The following RORA variants were observed in gnomAD, a reference collection of about 807,000 sequenced individuals.
The protein encoded by RORA is nuclear receptor ROR-alpha.
In RORA, 7 loss-of-function variants were observed where a neutral mutation model predicts 69.5. That is an observed-to-expected ratio of 0.10 (90% CI 0.06 to 0.19). The LOEUF (loss-of-function observed/expected upper bound fraction) is 0.19. Ranked by LOEUF, RORA falls within the 10% of genes least tolerant of loss-of-function variation. The probability of loss-of-function intolerance (pLI) is 1.00; values close to 1 mark genes in which losing one functional copy is unlikely to be tolerated. For missense variants in RORA, 457 were observed against 663.0 expected, an observed-to-expected ratio of 0.69 and a Z score of 3.41; for synonymous variants, 261 against 240.8, an observed-to-expected ratio of 1.08 and a Z score of -0.78.
At chr15:60,696,325 T>G (rs2070904696) in intron 1 of RORA, among the ~76,000 whole-genome samples, 1 of 152,168 alleles carries the variant, frequency 6.6e-6, no homozygotes, top group Non-Finnish European at 1.5e-5. Flanking sequence ...TCCTGCCATT[T>G]GATTCATTGA....
chr15:60,638,091 T>C (rs1480418728), intron 2 of RORA, among the ~76,000 whole-genome samples: 3 of 152,162 alleles, frequency 2.0e-5, no homozygotes, highest in Admixed American at 6.5e-5. Context: ...TTTTGGTTCA[T>C]CTTAAGTAAA....
Position 60,757,661 on chromosome 15 carries a change from G to A in RORA, c.167-78975C>T, listed in dbSNP as rs141354990. Among the ~76,000 whole-genome samples the A allele has an allele frequency of 4.3e-3, 659 of 152,218 alleles. 4 individuals carry two copies. The highest frequency in any genetic ancestry group is 0.015 in the African/African-American group (616 of 41,534). On this transcript the variant is annotated intron_variant, in intron 1 of 10. Transcript: ENST00000335670. Reference sequence around the variant, plus strand: ...TGTCCCAAAAACAGAGCACATCCCTGGATGTGACTCCAGGGTGTAAAATAG... The same window carrying A: ...TGTCCCAAAAACAGAGCACATCCCTAGATGTGACTCCAGGGTGTAAAATAG...
At chr15:61,004,980 G>A (rs1362160325) in intron 1 of RORA, among the ~76,000 whole-genome samples, 2 of 152,212 alleles carry the variant, frequency 1.3e-5, no homozygotes, top group Non-Finnish European at 2.9e-5. Context: ...TCTTTCTGGA[G>A]TTAAATTAGG....
chr15:61,084,096 T>C (rs947492902), intron 1 of RORA, among the ~76,000 whole-genome samples: 6 of 152,054 alleles, frequency 3.9e-5, no homozygotes, highest in Admixed American at 6.6e-5. Context: ...TGAAGGGAGC[T>C]CTCTCACCTC....
intron 1 of RORA, among the ~76,000 whole-genome samples, chr15:61,148,427 C>T (rs2079369761): frequency 6.6e-6 from 1 of 152,170 alleles, no homozygotes; most frequent in Non-Finnish European, 1.5e-5. Flanking sequence ...CACTAGACTA[C>T]AAAGGCAGCA....
chr15:61,173,467 A>T (rs1370428), intron 1 of RORA, among the ~76,000 whole-genome samples: 77,828 of 152,074 alleles, frequency 0.51, 20,785 homozygotes, highest in Non-Finnish European at 0.6. Context: ...GTTTCAGGCA[A>T]CCCATTCAGG....
intron 2 of RORA, chr15:60,592,487 CG>C: frequency 7.5e-7 from 1 of 1,332,666 alleles, no homozygotes; most frequent in Non-Finnish European, 9.6e-7. Context: ...GCCGCCGCCG[CG>C]CCGCCGCCGC....
At chr15:60,658,310 C>G (rs1190677148) in intron 2 of RORA, among the ~76,000 whole-genome samples, 2 of 152,154 alleles carry the variant, frequency 1.3e-5, no homozygotes, top group Non-Finnish European at 2.9e-5. Context: ...CCACCTCAGC[C>G]TCTGAAAGTG....
chr15:61,208,962 G>A (rs957172088), intron 1 of RORA, among the ~76,000 whole-genome samples: 5 of 152,214 alleles, frequency 3.3e-5, no homozygotes, highest in African/African-American at 7.2e-5. Context: ...CTCTGCTTGC[G>A]TTAGTACTTA....
chr15:60,538,334 C>T (rs1015111973), intron 2 of RORA, among the ~76,000 whole-genome samples: 9 of 152,150 alleles, frequency 5.9e-5, no homozygotes, highest in Non-Finnish European at 1.2e-4. Context: ...CCACTTCCTC[C>T]ATCCATAAAA....
chr15:60,655,721 T>C (rs2140706857), intron 2 of RORA, among the ~76,000 whole-genome samples: 1 of 152,132 alleles, frequency 6.6e-6, no homozygotes, highest in East Asian at 1.9e-4. Context: ...TCATACCTGC[T>C]GAAGAAGGGC....
chr15:60,954,582 C>T (rs539376995), intron 1 of RORA, among the ~76,000 whole-genome samples: 9 of 152,264 alleles, frequency 5.9e-5, no homozygotes, highest in South Asian at 2.1e-4. Flanking sequence ...TATTCATCAC[C>T]TATTGACCTA....
intron 1 of RORA, among the ~76,000 whole-genome samples, chr15:61,124,337 G>A (rs549950035): frequency 3.3e-4 from 50 of 152,270 alleles, no homozygotes; most frequent in African/African-American, 1.1e-3. Flanking sequence ...TCCCGACTGC[G>A]GTCTACCTCC....
intron 1 of RORA, among the ~76,000 whole-genome samples, chr15:60,832,315 G>A (rs573327899): frequency 2.9e-4 from 44 of 152,252 alleles, no homozygotes; most frequent in Non-Finnish European, 5.6e-4. Context: ...CCTGGTTTTA[G>A]CATTAAGAGT....
intron 1 of RORA, among the ~76,000 whole-genome samples, chr15:60,921,517 C>T (rs1244358713): frequency 6.6e-6 from 1 of 152,172 alleles, no homozygotes; most frequent in African/African-American, 2.4e-5. Flanking sequence ...GTGGTTACCT[C>T]TGAGGAAGGG....
At chr15:60,684,065 G>T (rs542360931) in intron 1 of RORA, among the ~76,000 whole-genome samples, 1 of 151,880 alleles carries the variant, frequency 6.6e-6, no homozygotes, top group African/African-American at 2.4e-5. Context: ...TTAGGAAATT[G>T]TCTGGGTATC....
intron 1 of RORA, among the ~76,000 whole-genome samples, chr15:61,153,552 G>A (rs138845784): frequency 6.8e-4 from 104 of 152,266 alleles, no homozygotes; most frequent in Non-Finnish European, 1.2e-3. Context: ...GGCTGTTAAC[G>A]GGCTTTATTA....
chr15:60,592,961 C>T (rs1329605907), intron 2 of RORA: 3 of 455,030 alleles, frequency 6.6e-6, no homozygotes, highest in South Asian at 4.7e-5. Context: ...TGCGCCAGCT[C>T]GTTGGTGGAA....
chr15:61,071,798 G>T (rs2078369562), intron 1 of RORA, among the ~76,000 whole-genome samples: 1 of 151,996 alleles, frequency 6.6e-6, no homozygotes, highest in South Asian at 2.1e-4. Flanking sequence ...TATTTTAGAT[G>T]TAAAGACAAA....
Sources: gnomAD v4.1 joint callset for allele counts (sites outside exome capture counted in the v4.1 genomes callset) on GRCh38, gnomAD v4.1.1 for gene constraint, MANE v1.5 for transcripts, NCBI Gene and HGNC (gene_info 2026-07-23, HGNC 2026-07-21) for gene names.